Variants in AGMO observed in about 807,000 individuals in gnomAD.
The protein encoded by AGMO is alkylglycerol monooxygenase.
A neutral mutation model predicts 60.2 loss-of-function variants in AGMO; 75 were observed. The ratio of observed to expected loss-of-function variants is 1.25; its 90% confidence interval spans 1.03 to 1.51. The LOEUF (loss-of-function observed/expected upper bound fraction) is 1.51. Ranked by LOEUF, AGMO falls within the 40% of genes most tolerant of loss-of-function variation. The pLI is 0.00. For synonymous variants in AGMO, 261 were observed against 177.1 expected, an observed-to-expected ratio of 1.47 and a Z score of -3.76; for missense variants, 763 against 525.5, an observed-to-expected ratio of 1.45 and a Z score of -4.42.
At chr7:15,142,007 T>G in the AGMO span, among the ~76,000 whole-genome samples, 1 of 152,174 alleles carries the variant, frequency 6.6e-6, no homozygotes, top group African/African-American at 2.4e-5. Flanking sequence ...CTTAACCTTT[T>G]GCTAATTCTC....
intron 4 of AGMO, among the ~76,000 whole-genome samples, chr7:15,422,960 G>C (rs1292208297): frequency 6.6e-6 from 1 of 152,166 alleles, no homozygotes; most frequent in Non-Finnish European, 1.5e-5. Context: ...AGGAGGCAAT[G>C]ACAAACAGAA....
At chr7:15,374,987 G>A (rs1783388720) in intron 10 of AGMO, among the ~76,000 whole-genome samples, 1 of 151,950 alleles carries the variant, frequency 6.6e-6, no homozygotes, top group Admixed American at 6.6e-5. Flanking sequence ...TGTGTGTAAT[G>A]CATACTCCTA....
chr7:15,292,410 G>C (rs567994693), intron 12 of AGMO, among the ~76,000 whole-genome samples: 79 of 152,202 alleles, frequency 5.2e-4, no homozygotes, highest in African/African-American at 1.8e-3. Context: ...GACGCGTTTG[G>C]GTGATAAGAG....
At chr7:15,483,601 A>AC (rs200128360) in intron 3 of AGMO, among the ~76,000 whole-genome samples, 44 of 151,824 alleles carry the variant, frequency 2.9e-4, no homozygotes, top group Admixed American at 2.5e-3. Context: ...AAACAAACAA[A>AC]AAACCATAAA....
intron 12 of AGMO, among the ~76,000 whole-genome samples, chr7:15,350,757 G>A (rs1463905204): frequency 6.6e-6 from 1 of 152,148 alleles, no homozygotes; most frequent in Non-Finnish European, 1.5e-5. Flanking sequence ...TGATCATAGG[G>A]AAGTAAATTC....
At chr7:15,384,627 T>A (rs1783838853) in intron 10 of AGMO, among the ~76,000 whole-genome samples, 1 of 152,102 alleles carries the variant, frequency 6.6e-6, no homozygotes, top group Non-Finnish European at 1.5e-5. Flanking sequence ...TCACTGAGGT[T>A]TTTCATGGGG....
the AGMO span, among the ~76,000 whole-genome samples, chr7:15,148,308 G>A: frequency 6.6e-6 from 1 of 151,418 alleles, no homozygotes; most frequent in African/African-American, 2.4e-5. Flanking sequence ...TAGAGTTCTA[G>A]GTTTACAGTT....
chr7:15,412,867 T>G (rs546947158), intron 5 of AGMO, among the ~76,000 whole-genome samples: 49 of 152,108 alleles, frequency 3.2e-4, no homozygotes, highest in African/African-American at 1.1e-3. Context: ...CCTAGAATCA[T>G]AATAAGGAAT....
At chr7:15,298,043 C>T (rs1784453667) in intron 12 of AGMO, among the ~76,000 whole-genome samples, 1 of 152,078 alleles carries the variant, frequency 6.6e-6, no homozygotes, top group African/African-American at 2.4e-5. Context: ...TAAAGGGAGC[C>T]ATACAAATTT....
At chr7:15,440,327 A>G (rs1401124451) in intron 3 of AGMO, among the ~76,000 whole-genome samples, 1 of 152,212 alleles carries the variant, frequency 6.6e-6, no homozygotes, top group African/African-American at 2.4e-5. Context: ...CCACTCAATC[A>G]TAGGAGAGTA....
In AGMO at chr7:15,324,847, C is replaced by A. The variant is rs142699545; in HGVS notation, c.1263+40667G>T. Among the ~76,000 whole-genome samples, 832 of 152,128 alleles carry A rather than the reference C, an allele frequency of 5.5e-3. 12 individuals carry two copies. The highest frequency in any genetic ancestry group is 0.019 in the African/African-American group (775 of 41,508). ...CCACTGATCTGACAGGAGGCAGAGC[C>A]CAGGCAGTAATGCTTATTTGCCTGC... On this transcript the variant is annotated intron_variant, in intron 12 of 12. Coordinates refer to ENST00000342526, the MANE Select transcript of AGMO (RefSeq NM_001004320.2).
intron 6 of AGMO, among the ~76,000 whole-genome samples, chr7:15,393,046 A>C (rs1207798538): frequency 6.6e-6 from 1 of 152,246 alleles, no homozygotes. Context: ...TTTCTACTGA[A>C]CATGGATCAC....
At chr7:15,192,664 T>A in the AGMO span, among the ~76,000 whole-genome samples, 8 of 152,090 alleles carry the variant, frequency 5.3e-5, 1 homozygote, top group East Asian at 1.5e-3. Flanking sequence ...CACTTAGCCA[T>A]CCCTAGACAG....
intron 5 of AGMO, among the ~76,000 whole-genome samples, chr7:15,400,511 GA>G (rs1207855641): frequency 3.3e-5 from 5 of 152,122 alleles, no homozygotes; most frequent in Non-Finnish European, 7.4e-5. Context: ...TGTTCAGGAG[GA>G]AAACACTGTA....
At chr7:15,244,992 T>C (rs1782699879) in intron 12 of AGMO, among the ~76,000 whole-genome samples, 1 of 152,114 alleles carries the variant, frequency 6.6e-6, no homozygotes, top group Non-Finnish European at 1.5e-5. Context: ...TGTAACTAAT[T>C]GACTTAGTAT....
chr7:15,154,134 A>C, the AGMO span, among the ~76,000 whole-genome samples: 2 of 152,272 alleles, frequency 1.3e-5, no homozygotes, highest in Admixed American at 6.5e-5. Context: ...AAAACCCTAA[A>C]GATTCATCCA....
chr7:15,205,857 T>C (rs1285953950), intron 12 of AGMO, among the ~76,000 whole-genome samples: 1 of 152,112 alleles, frequency 6.6e-6, no homozygotes, highest in African/African-American at 2.4e-5. Flanking sequence ...AGTACATTTT[T>C]CTGAAAAATT....
the AGMO span, among the ~76,000 whole-genome samples, chr7:15,174,624 G>C: frequency 2.3e-3 from 345 of 152,072 alleles, no homozygotes; most frequent in South Asian, 0.013. Context: ...AAATGCATGA[G>C]AGGTCATTTA....
At chr7:15,210,991 CTAAG>C (rs1268234831) in intron 12 of AGMO, among the ~76,000 whole-genome samples, 3 of 151,760 alleles carry the variant, frequency 2.0e-5, no homozygotes, top group Non-Finnish European at 4.4e-5. Context: ...AGTGAATAGA[CTAAG>C]AAAGATATAC....
Sources: allele counts gnomAD v4.1 joint callset (sites outside exome capture counted in the v4.1 genomes callset), GRCh38; gene constraint gnomAD v4.1.1; transcripts MANE v1.5; gene names NCBI Gene and HGNC (gene_info 2026-07-23, HGNC 2026-07-21).